RIMS2: variants seen among roughly 807,000 people sequenced by gnomAD.
The protein encoded by RIMS2 is regulating synaptic membrane exocytosis protein 2.
Under a neutral mutation model 174.4 loss-of-function variants are expected in RIMS2, and 59 were observed. That is an observed-to-expected ratio of 0.34 (90% CI 0.27 to 0.42). The LOEUF (loss-of-function observed/expected upper bound fraction) is 0.42. Among genes scored for constraint, RIMS2 ranks in the 10% least tolerant of loss-of-function variants. The pLI is 1.00. For synonymous variants in RIMS2, 606 were observed against 572.5 expected, an observed-to-expected ratio of 1.06 and a Z score of -0.84; for missense variants, 1,620 against 1,666.3, an observed-to-expected ratio of 0.97 and a Z score of 0.48.
intron 19 of RIMS2, among the ~76,000 whole-genome samples, chr8:104,201,632 C>G (rs1488647589): frequency 6.6e-6 from 1 of 152,092 alleles, no homozygotes; most frequent in African/African-American, 2.4e-5. Context: ...ATTATCCAGG[C>G]TTCTAGTACT....
At chr8:103,511,970 C>T (rs1586521818) in intron 1 of RIMS2, among the ~76,000 whole-genome samples, 1 of 152,074 alleles carries the variant, frequency 6.6e-6, no homozygotes, top group Admixed American at 6.6e-5. Flanking sequence ...CTGTGGCAGG[C>T]AAGCAGGACA....
chr8:104,183,586 A>G (rs2136041844), intron 19 of RIMS2, among the ~76,000 whole-genome samples: 1 of 151,690 alleles, frequency 6.6e-6, no homozygotes, highest in Admixed American at 6.6e-5. Context: ...CATTATTTTG[A>G]AAATAAACTT....
intron 19 of RIMS2, among the ~76,000 whole-genome samples, chr8:104,045,436 AT>A (rs2154558119): frequency 6.6e-6 from 1 of 151,994 alleles, no homozygotes; most frequent in Non-Finnish European, 1.5e-5. Flanking sequence ...TCATATGACA[AT>A]TTTTTAAAAT....
At chr8:104,083,446 A>C (rs1339065783) in intron 19 of RIMS2, among the ~76,000 whole-genome samples, 1 of 152,150 alleles carries the variant, frequency 6.6e-6, no homozygotes, top group Non-Finnish European at 1.5e-5. Context: ...GATATCTGTA[A>C]TTTCTATACC....
At chr8:104,078,567 G>C (rs2097345185) in intron 19 of RIMS2, among the ~76,000 whole-genome samples, 1 of 152,124 alleles carries the variant, frequency 6.6e-6, no homozygotes, top group African/African-American at 2.4e-5. Context: ...AAAAGCTCTA[G>C]CGTCAAGTAC....
intron 2 of RIMS2, among the ~76,000 whole-genome samples, chr8:103,734,098 C>T (rs978583899): frequency 4.1e-5 from 6 of 146,636 alleles, no homozygotes; most frequent in East Asian, 2.0e-4. Context: ...CTGCAACCTC[C>T]GCCTCCTGGG....
chr8:104,002,825 G>A (rs112755571), intron 17 of RIMS2, among the ~76,000 whole-genome samples: 24 of 152,290 alleles, frequency 1.6e-4, no homozygotes, highest in African/African-American at 5.8e-4. Flanking sequence ...GAACAGGAGA[G>A]TAGAGACTTA....
At chr8:104,114,934 T>A (rs1362345047) in intron 19 of RIMS2, among the ~76,000 whole-genome samples, 5 of 152,046 alleles carry the variant, frequency 3.3e-5, no homozygotes, top group Admixed American at 6.6e-5. Context: ...CTCTAATAAA[T>A]ATAAGAACAC....
At chr8:103,589,073 GAAAT>G (rs2133220163) in intron 1 of RIMS2, among the ~76,000 whole-genome samples, 1 of 151,710 alleles carries the variant, frequency 6.6e-6, no homozygotes, top group African/African-American at 2.4e-5. Context: ...ACAAGAGAAA[GAAAT>G]AAAGGGCATC....
At chr8:103,795,538 C>T (rs536190534) in intron 3 of RIMS2, among the ~76,000 whole-genome samples, 1 of 152,040 alleles carries the variant, frequency 6.6e-6, no homozygotes, top group Admixed American at 6.5e-5. Context: ...GTATAACAAA[C>T]CTGCACGTTG....
chr8:103,800,529 C>A (rs2098599577), intron 3 of RIMS2, among the ~76,000 whole-genome samples: 1 of 152,134 alleles, frequency 6.6e-6, no homozygotes, highest in African/African-American at 2.4e-5. Context: ...GCTGAGAATT[C>A]TTTCATGAAT....
chr8:103,599,366 G>T (rs1346570369), intron 1 of RIMS2, among the ~76,000 whole-genome samples: 1 of 149,400 alleles, frequency 6.7e-6, no homozygotes, highest in Non-Finnish European at 1.5e-5. Context: ...TAGTATGTTT[G>T]ACTCCAGAGT....
intron 3 of RIMS2, among the ~76,000 whole-genome samples, chr8:103,790,848 A>T (rs115859926): frequency 0.15 from 22,855 of 152,198 alleles, 1,792 homozygotes; most frequent in Middle Eastern, 0.24. Context: ...TAAAAAATGG[A>T]TCTATCCAAC....
intron 19 of RIMS2, among the ~76,000 whole-genome samples, chr8:104,080,690 T>G (rs953538926): frequency 3.9e-5 from 6 of 152,184 alleles, no homozygotes; most frequent in South Asian, 2.1e-4. Flanking sequence ...ATAATACAAA[T>G]ATATCTACAA....
intron 2 of RIMS2, among the ~76,000 whole-genome samples, chr8:103,758,550 C>T (rs2098062753): frequency 6.6e-6 from 1 of 152,092 alleles, no homozygotes; most frequent in Non-Finnish European, 1.5e-5. Flanking sequence ...TGTCATTTCA[C>T]ATGCAGCACT....
intron 19 of RIMS2, among the ~76,000 whole-genome samples, chr8:104,151,018 G>A (rs2098685740): frequency 6.6e-6 from 1 of 152,124 alleles, no homozygotes; most frequent in Non-Finnish European, 1.5e-5. Context: ...CTGGAAAAGA[G>A]CATTTAAGGA....
At chr8:103,881,480 G>A (rs1313904407) in intron 3 of RIMS2, among the ~76,000 whole-genome samples, 1 of 151,426 alleles carries the variant, frequency 6.6e-6, no homozygotes, top group Non-Finnish European at 1.5e-5. Flanking sequence ...TGTAAACCCT[G>A]GATGCCTTTG....
chr8:104,171,477 C>T (rs987657588), intron 19 of RIMS2, among the ~76,000 whole-genome samples: 1 of 146,568 alleles, frequency 6.8e-6, no homozygotes, highest in African/African-American at 2.6e-5. Context: ...CTTTTATATC[C>T]AGAAGTTCTG....
intron 19 of RIMS2, among the ~76,000 whole-genome samples, chr8:104,076,421 A>T (rs1349104848): frequency 1.3e-5 from 2 of 152,144 alleles, no homozygotes; most frequent in African/African-American, 4.8e-5. Context: ...ATGTGTTTGT[A>T]TAATTTCTTC....
Sources: allele counts gnomAD v4.1 joint callset (sites outside exome capture counted in the v4.1 genomes callset), GRCh38; gene constraint gnomAD v4.1.1; transcripts MANE v1.5; gene names NCBI Gene and HGNC (gene_info 2026-07-23, HGNC 2026-07-21).